NPSR1: variants seen among roughly 807,000 people sequenced by gnomAD.
NPSR1 encodes neuropeptide S receptor.
NPSR1 carries 48 observed loss-of-function variants against 46.9 expected under a neutral mutation model. That is an observed-to-expected ratio of 1.02 (90% CI 0.81 to 1.30). The LOEUF (loss-of-function observed/expected upper bound fraction) is 1.30. NPSR1 is among the 50% of genes most tolerant of loss of function. The probability of loss-of-function intolerance (pLI) is 0.00; values close to 1 mark genes in which losing one functional copy is unlikely to be tolerated. For synonymous variants in NPSR1, 176 were observed against 168.1 expected, an observed-to-expected ratio of 1.05 and a Z score of -0.36; for missense variants, 450 against 449.5, an observed-to-expected ratio of 1.00 and a Z score of -0.01.
chr7:34,831,435 T>C (rs1434091707), intron 5 of NPSR1, among the ~76,000 whole-genome samples: 2 of 150,232 alleles, frequency 1.3e-5, no homozygotes, highest in East Asian at 3.9e-4. Context: ...CATAAATATA[T>C]GTGAGAGGAA....
chr7:34,807,037 A>G (rs1156350552), intron 3 of NPSR1, among the ~76,000 whole-genome samples: 1 of 152,166 alleles, frequency 6.6e-6, no homozygotes, highest in Non-Finnish European at 1.5e-5. Context: ...TCCAAATGGT[A>G]TCCCATATGT....
Position 34,841,473 on chromosome 7 carries a change from G to A in NPSR1, c.758-3423G>A, listed in dbSNP as rs549633401. ...TCTCCCAGTCCCAAATCGAATGGAC[G>A]TGCCACTTTCAGGCTACCCAAGCCC... On this transcript the variant is annotated intron_variant, in intron 6 of 8. Transcript: ENST00000360581. 8.8e-4 allele frequency among the ~76,000 whole-genome samples: 134 copies of A among 152,334 alleles called. 1 individual carries two copies. Among genetic ancestry groups the A allele is most frequent in the Non-Finnish European group, 1.7e-3 (114 of 68,036 alleles).
chr7:34,814,351 C>T (rs778530981), intron 4 of NPSR1, among the ~76,000 whole-genome samples: 4 of 152,232 alleles, frequency 2.6e-5, no homozygotes, highest in South Asian at 2.1e-4. Flanking sequence ...GAGCGTCCAC[C>T]ATTGCTGAGG....
chr7:34,760,542 G>T (rs1786119592), intron 2 of NPSR1, among the ~76,000 whole-genome samples: 4 of 152,160 alleles, frequency 2.6e-5, no homozygotes, highest in Non-Finnish European at 4.4e-5. Flanking sequence ...GCCCATGCAT[G>T]TAAGAACATA....
At chr7:34,750,921 A>C (rs1025455229) in intron 2 of NPSR1, 1 of 739,842 alleles carries the variant, frequency 1.4e-6, no homozygotes, top group South Asian at 1.3e-5. Flanking sequence ...CTCCACCCCC[A>C]GCTCGGGGTC....
rs140051690 is a variant in NPSR1 at position 34,795,985 on chromosome 7, C to T, written c.385-15785C>T. On this transcript the variant is annotated intron_variant, in intron 3 of 8. Transcript: ENST00000360581. ...GAAGAACAAATTTGAAGGACTGATA[C>T]TTCCCAAAATCAATATTTACTATAA... Among the ~76,000 whole-genome samples, 695 of 152,170 alleles carry T rather than the reference C, an allele frequency of 4.6e-3. 6 individuals carry two copies. The highest frequency in any genetic ancestry group is 0.016 in the African/African-American group (678 of 41,524).
intron 2 of NPSR1, among the ~76,000 whole-genome samples, chr7:34,758,968 A>C (rs1786022247): frequency 6.6e-6 from 1 of 152,132 alleles, no homozygotes; most frequent in South Asian, 2.1e-4. Flanking sequence ...TATTTTGTGG[A>C]GTTTCTCTCA....
chr7:34,817,875 T>G (rs559665253), intron 4 of NPSR1, among the ~76,000 whole-genome samples: 1 of 152,314 alleles, frequency 6.6e-6, no homozygotes, highest in East Asian at 1.9e-4. Context: ...ACGCCCTTCA[T>G]GCTAAAAACT....
Position 34,687,643 on chromosome 7 carries a change from G to A in NPSR1, c.280+2959G>A, listed in dbSNP as rs141866980. On this transcript the variant is annotated intron_variant, in intron 2 of 8. Transcript: ENST00000360581. ...GATCCAATTACCTCCACCTGGTCCT[G>A]CCCTTGACACATGGGGGTTATTACA... 2.7e-3 allele frequency among the ~76,000 whole-genome samples: 417 copies of A among 152,302 alleles called. 2 individuals are homozygous for A. Among genetic ancestry groups the A allele is most frequent in the African/African-American group, 9.6e-3 (399 of 41,564 alleles).
chr7:34,686,275 A>G (rs149345632), intron 2 of NPSR1: 49 of 152,326 alleles, frequency 3.2e-4, no homozygotes, highest in African/African-American at 9.9e-4. Flanking sequence ...GTTTCTAGAA[A>G]AACTCTAGGG....
intron 2 of NPSR1, among the ~76,000 whole-genome samples, chr7:34,754,576 C>T (rs1331357256): frequency 6.6e-6 from 1 of 151,822 alleles, no homozygotes; most frequent in African/African-American, 2.4e-5. Context: ...GCCCTGAGGC[C>T]CAGACAGGCT....
intron 2 of NPSR1, among the ~76,000 whole-genome samples, chr7:34,726,010 T>C (rs1583888131): frequency 6.6e-6 from 1 of 152,352 alleles, no homozygotes; most frequent in East Asian, 1.9e-4. Flanking sequence ...TCCACTATGA[T>C]TGAGAGACCT....
chr7:34,726,089 G>A lies in NPSR1; in HGVS notation c.280+41405G>A, dbSNP rs536343309. ...TTATAAATTACCCAGGCTCAGGTAC[G>A]TCTTTATTAGCAGCATGAGAACAGA... is the stretch of plus-strand genomic sequence containing the variant. On this transcript the variant is annotated intron_variant, in intron 2 of 8. Coordinates refer to ENST00000360581, the MANE Select transcript of NPSR1 (RefSeq NM_207172.2). 3.9e-5 allele frequency among the ~76,000 whole-genome samples: 6 copies of A among 152,254 alleles called. No homozygotes were observed. The South Asian group carries it at 6.2e-4, about 16-fold the overall frequency.
At chr7:34,750,925 C>G in intron 2 of NPSR1, 1 of 742,012 alleles carries the variant, frequency 1.3e-6, no homozygotes, top group Non-Finnish European at 2.5e-6. Context: ...ACCCCCAGCT[C>G]GGGGTCTGAC....
At chr7:34,792,688 T>TTAATATATATATAC (rs1562733246) in intron 3 of NPSR1, among the ~76,000 whole-genome samples, 1 of 115,518 alleles carries the variant, frequency 8.7e-6, no homozygotes, top group African/African-American at 3.3e-5. Context: ...TATATATATA[T>TTAATATATATATAC]GTATATATAT....
chr7:34,766,824 C>G (rs180743973), intron 2 of NPSR1, among the ~76,000 whole-genome samples: 3 of 152,168 alleles, frequency 2.0e-5, no homozygotes, highest in Admixed American at 2.0e-4. Flanking sequence ...CCACCCGCCT[C>G]GGCCTCCCAA....
intron 2 of NPSR1, among the ~76,000 whole-genome samples, chr7:34,748,864 T>C (rs916999321): frequency 2.0e-5 from 3 of 149,726 alleles, no homozygotes; most frequent in African/African-American, 7.3e-5. Context: ...CATAGGCCAT[T>C]GCATTCATCT....
rs190588042 is a variant in NPSR1, at chr7:34,841,921, C to T, written c.758-2975C>T. ...ATAATTTGGTCTGCTGTCTTCTTTACTTGCAGCCCATGGGTATAATCTCAC... is the reference window on the plus strand; with the variant it reads ...ATAATTTGGTCTGCTGTCTTCTTTATTTGCAGCCCATGGGTATAATCTCAC... On this transcript the variant is annotated intron_variant, in intron 6 of 8. Coordinates refer to ENST00000360581, the MANE Select transcript of NPSR1 (RefSeq NM_207172.2). Among the ~76,000 whole-genome samples the T allele has an allele frequency of 3.7e-3, 567 of 152,340 alleles. 4 individuals carry two copies. The highest frequency in any genetic ancestry group is 0.013 in the African/African-American group (529 of 41,568).
chr7:34,760,968 A>C (rs1016438277), intron 2 of NPSR1: 1 of 152,518 alleles, frequency 6.6e-6, no homozygotes, highest in Non-Finnish European at 1.5e-5. Flanking sequence ...ATCACGTAGT[A>C]ATTTCTAGCA....
Sources: allele counts gnomAD v4.1 joint callset (sites outside exome capture counted in the v4.1 genomes callset), GRCh38; gene constraint gnomAD v4.1.1; transcripts MANE v1.5; gene names NCBI Gene and HGNC (gene_info 2026-07-23, HGNC 2026-07-21).